The following SEMA4D variants were observed in gnomAD, a reference collection of about 807,000 sequenced individuals.
The protein encoded by SEMA4D is semaphorin 4D, also known as semaphorin-4D.
In SEMA4D, 22 loss-of-function variants were observed where a neutral mutation model predicts 74.8. That is an observed-to-expected ratio of 0.29 (90% CI 0.21 to 0.42). The LOEUF is 0.42. SEMA4D is among the 10% of genes least tolerant of loss of function. SEMA4D has a pLI of 1.00. For synonymous variants in SEMA4D, 445 were observed against 463.7 expected, an observed-to-expected ratio of 0.96 and a Z score of 0.52; for missense variants, 937 against 1,118.4, an observed-to-expected ratio of 0.84 and a Z score of 2.31.
chr9:89,404,018 C>T (rs1331215715), intron 3 of SEMA4D, among the ~76,000 whole-genome samples: 2 of 152,232 alleles, frequency 1.3e-5, no homozygotes, highest in African/African-American at 4.8e-5. Context: ...CAGGTCCTCT[C>T]TCTCAGCACA....
intron 2 of SEMA4D, among the ~76,000 whole-genome samples, chr9:89,432,612 T>C (rs1294022623): frequency 6.6e-6 from 1 of 152,168 alleles, no homozygotes; most frequent in African/African-American, 2.4e-5. Context: ...AGGCAAATGA[T>C]ACTTAATACC....
chr9:89,442,439 G>GA (rs1363481769), intron 2 of SEMA4D, among the ~76,000 whole-genome samples: 1 of 151,912 alleles, frequency 6.6e-6, no homozygotes, highest in East Asian at 1.9e-4. Context: ...CAGTGGAATA[G>GA]AAAAAATTGT....
chr9:89,362,536 C>T (rs1832855608), intron 18 of SEMA4D: 1 of 1,591,202 alleles, frequency 6.3e-7, no homozygotes, highest in Admixed American at 1.7e-5. Context: ...CTCAAGGCCT[C>T]AGCCCCCTGT....
In SEMA4D at chr9:89,379,631, T is replaced by C; in HGVS notation, c.1664-2A>G. ...GCCGGTAACTTCCTTTACTTTTATC[T>C]GGAACATCAAAATAAACGTGCACAG... On this transcript the variant is annotated splice_acceptor_variant, in intron 15 of 15. Transcript: ENST00000422704. LOFTEE classifies it high-confidence loss of function. The C allele has an allele frequency of 6.2e-7, 1 of 1,602,076 alleles. No individual in the cohort carries two copies. The highest frequency in any genetic ancestry group is 1.3e-5 in the African/African-American group (1 of 74,438).
At chr9:89,410,048 C>T (rs748890800) in intron 2 of SEMA4D, among the ~76,000 whole-genome samples, 27 of 132,172 alleles carry the variant, frequency 2.0e-4, no homozygotes, top group Non-Finnish European at 3.1e-4. Flanking sequence ...CAAGCTGTAA[C>T]AACTGGCTCT....
intron 1 of SEMA4D, among the ~76,000 whole-genome samples, chr9:89,458,393 C>T (rs1411210902): frequency 1.3e-5 from 2 of 152,152 alleles, no homozygotes; most frequent in East Asian, 3.8e-4. Flanking sequence ...GTGGAAACTA[C>T]AAATTCCACA....
At chr9:89,413,665 A>T (rs762602169) in intron 2 of SEMA4D, among the ~76,000 whole-genome samples, 7 of 152,216 alleles carry the variant, frequency 4.6e-5, no homozygotes, top group Non-Finnish European at 8.8e-5. Flanking sequence ...GTGCATGTGC[A>T]TCTGCTTGGA....
intron 1 of SEMA4D, among the ~76,000 whole-genome samples, chr9:89,490,857 A>C (rs972053540): frequency 4.6e-5 from 7 of 152,118 alleles, no homozygotes; most frequent in African/African-American, 1.7e-4. Context: ...GCAACAGGGA[A>C]ATTTAGGGGG....
chr9:89,481,381 G>A (rs537035648), intron 1 of SEMA4D, among the ~76,000 whole-genome samples: 59 of 152,338 alleles, frequency 3.9e-4, no homozygotes, highest in African/African-American at 1.3e-3. Flanking sequence ...AGGGTGCCAC[G>A]TGGGAGGTCT....
chr9:89,460,761 C>G (rs778826277), intron 1 of SEMA4D, among the ~76,000 whole-genome samples: 5 of 152,250 alleles, frequency 3.3e-5, no homozygotes, highest in Non-Finnish European at 5.9e-5. Context: ...ACACGGGCAT[C>G]CTACAGGCCC....
At chr9:89,375,364 G>C (rs993059860), downstream of SEMA4D, among the ~76,000 whole-genome samples, 1 of 152,184 alleles carries the variant, frequency 6.6e-6, no homozygotes, top group Non-Finnish European at 1.5e-5. Context: ...CCCAGTGGAG[G>C]GCAGGAACCA....
chr9:89,388,690 G>T lies in SEMA4D; in HGVS notation c.1053C>A (p.Ser351=). Residue 351 remains serine (S), a synonymous_variant, in exon 11 of 16, where the codon TCC becomes TCA. Transcript: ENST00000422704. ...KYMQSTTVEQ[S]HTKWVRYNGP... ...CATTATAGCGCACCCACTTGGTGTG[G>T]GACTGCTCCACTGTGGTGCTCTGCA... 6.2e-7 allele frequency: 1 copy of T among 1,609,188 alleles called. No individual in the cohort carries two copies.
At chr9:89,400,704 G>C (rs1842016276) in intron 4 of SEMA4D, among the ~76,000 whole-genome samples, 1 of 152,204 alleles carries the variant, frequency 6.6e-6, no homozygotes, top group African/African-American at 2.4e-5. Flanking sequence ...AATGCATAAG[G>C]ACAAGGGAAC....
At position 89,456,295 on chromosome 9, in the gene SEMA4D, C is replaced by T. The variant is rs146128700; in HGVS notation, c.-309-342G>A. On this transcript the variant is annotated intron_variant, in intron 1 of 15. Coordinates refer to ENST00000422704, the MANE Select transcript of SEMA4D (RefSeq NM_001371194.2). ...CTTGGCTCAGCACACAATCACTAGG[C>T]GTGAGCTCTAGTGCAGGAGGCAGCC... Among the ~76,000 whole-genome samples, 108 of 152,332 alleles carry T rather than the reference C, an allele frequency of 7.1e-4. 1 individual carries two copies. Among genetic ancestry groups the T allele is most frequent in the Non-Finnish European group, 1.1e-3 (72 of 68,028 alleles).
At chr9:89,395,338 C>T (rs1356651813) in intron 6 of SEMA4D, among the ~76,000 whole-genome samples, 2 of 151,718 alleles carry the variant, frequency 1.3e-5, no homozygotes, top group Admixed American at 1.3e-4. Flanking sequence ...GCAGGAGAAT[C>T]GCTTGAACCC....
At chr9:89,480,511 G>T (rs1824515078) in intron 1 of SEMA4D, among the ~76,000 whole-genome samples, 1 of 152,252 alleles carries the variant, frequency 6.6e-6, no homozygotes, top group African/African-American at 2.4e-5. Flanking sequence ...GGAGCCCATG[G>T]AGTGGGTGGG....
rs115534680 is a variant in SEMA4D, at chr9:89,438,059, G to A, written c.-244+17829C>T. On this transcript the variant is annotated intron_variant, in intron 2 of 15. Transcript: ENST00000422704. ...AGCAAGATGCAGAGAGGAACCAGAG[G>A]ACACTTTACCCAGTAGGGCACCCAG... 2.6e-3 allele frequency among the ~76,000 whole-genome samples: 394 copies of A among 152,348 alleles called. 2 individuals are homozygous for A. Among genetic ancestry groups the A allele is most frequent in the African/African-American group, 9.0e-3 (375 of 41,570 alleles).
chr9:89,497,885 G>C (rs1826161158), intron 1 of SEMA4D, 34 bp downstream of exon 1: 1 of 151,380 alleles, frequency 6.6e-6, no homozygotes, highest in East Asian at 2.0e-4. Flanking sequence ...CCGGCCCCGC[G>C]CGCCCTCCCT....
intron 2 of SEMA4D, among the ~76,000 whole-genome samples, chr9:89,443,577 C>T (rs1852160308): frequency 6.6e-6 from 1 of 152,268 alleles, no homozygotes; most frequent in South Asian, 2.1e-4. Flanking sequence ...GAGGATCTGC[C>T]TGGGGTAGGC....
Sources: allele counts gnomAD v4.1 joint callset (sites outside exome capture counted in the v4.1 genomes callset), GRCh38; gene constraint gnomAD v4.1.1; transcripts MANE v1.5; gene names NCBI Gene and HGNC (gene_info 2026-07-23, HGNC 2026-07-21).